Variants in CHSY1 observed in about 807,000 individuals in gnomAD.
The protein encoded by CHSY1 is chondroitin sulfate synthase 1.
In CHSY1, 13 loss-of-function variants were observed where a neutral mutation model predicts 59.8. That is an observed-to-expected ratio of 0.22 (90% CI 0.14 to 0.35). CHSY1 has a LOEUF of 0.35. Among genes scored for constraint, CHSY1 ranks in the 10% least tolerant of loss-of-function variants. CHSY1 has a pLI of 1.00. For synonymous variants in CHSY1, 459 were observed against 401.2 expected, an observed-to-expected ratio of 1.14 and a Z score of -1.72; for missense variants, 947 against 1,030.6, an observed-to-expected ratio of 0.92 and a Z score of 1.11.
chr15:101,232,930 C>A (rs760713216), intron 2 of CHSY1, among the ~76,000 whole-genome samples: 2 of 152,202 alleles, frequency 1.3e-5, no homozygotes, highest in African/African-American at 2.4e-5. Flanking sequence ...CGCAGAGCAG[C>A]AGCAGGCCCA....
At chr15:101,247,528 G>A (rs551419319) in intron 1 of CHSY1, among the ~76,000 whole-genome samples, 2 of 152,244 alleles carry the variant, frequency 1.3e-5, no homozygotes, top group South Asian at 2.1e-4. Flanking sequence ...ACTCAGGGTC[G>A]GGGGCCAGAG....
At chr15:101,197,225 T>C (rs1044029317) in intron 2 of CHSY1, among the ~76,000 whole-genome samples, 1 of 152,188 alleles carries the variant, frequency 6.6e-6, no homozygotes, top group Non-Finnish European at 1.5e-5. Flanking sequence ...GGAGAGGCAA[T>C]GCCTGGCAAT....
intron 2 of CHSY1, among the ~76,000 whole-genome samples, chr15:101,232,639 C>CT (rs1406635164): frequency 6.6e-6 from 1 of 152,154 alleles, no homozygotes; most frequent in East Asian, 1.9e-4. Flanking sequence ...TTAGATTGCA[C>CT]TTAGATTCAC....
At chr15:101,184,383 A>AAT (rs2038324646) in intron 2 of CHSY1, among the ~76,000 whole-genome samples, 1 of 144,902 alleles carries the variant, frequency 6.9e-6, no homozygotes, top group Admixed American at 6.9e-5. Flanking sequence ...TATATATATA[A>AAT]TTTTTTTTTT....
intron 2 of CHSY1, among the ~76,000 whole-genome samples, chr15:101,203,188 G>T (rs866981201): frequency 6.6e-6 from 1 of 152,190 alleles, no homozygotes; most frequent in Non-Finnish European, 1.5e-5. Context: ...TGAAATAGGG[G>T]GGGTGAGGGA....
In CHSY1 at chr15:101,176,142, A is replaced by G. The variant is rs1397355043; in HGVS notation, c.*1246T>C. ...TTGGAGATCGGTTTACTGCAAATAA[A>G]ACAGACTAAACACACTCCCGATACA... On this transcript the variant is annotated 3_prime_UTR_variant, in exon 3 of 3. Transcript: ENST00000254190. The G allele has an allele frequency of 2.5e-6, 1 of 397,832 alleles. No homozygotes were observed. Among genetic ancestry groups the G allele is most frequent in the East Asian group, 3.6e-5 (1 of 28,010 alleles). 24.6% of individuals were successfully genotyped at this position (397,832 alleles called of 1,614,324 possible).
intron 2 of CHSY1, among the ~76,000 whole-genome samples, chr15:101,194,737 C>T (rs1026061808): frequency 6.6e-6 from 1 of 152,138 alleles, no homozygotes; most frequent in Non-Finnish European, 1.5e-5. Flanking sequence ...TCTAATCTTG[C>T]CTCTATTTCT....
chr15:101,217,415 G>A (rs1197359094), intron 2 of CHSY1, among the ~76,000 whole-genome samples: 1 of 152,196 alleles, frequency 6.6e-6, no homozygotes, highest in East Asian at 1.9e-4. Context: ...ATCTGAGGGG[G>A]CCAAGCAAGT....
At chr15:101,248,636 A>C (rs1387561580) in intron 1 of CHSY1, among the ~76,000 whole-genome samples, 1 of 152,246 alleles carries the variant, frequency 6.6e-6, no homozygotes, top group African/African-American at 2.4e-5. Context: ...AAAAAAAATA[A>C]TAAATAAACA....
chr15:101,220,129 A>C (rs1265965335), intron 2 of CHSY1, among the ~76,000 whole-genome samples: 1 of 152,196 alleles, frequency 6.6e-6, no homozygotes, highest in Non-Finnish European at 1.5e-5. Context: ...GTCAACTATT[A>C]ATGTAATAAG....
chr15:101,186,965 T>C (rs1267692920), intron 2 of CHSY1, among the ~76,000 whole-genome samples: 2 of 152,222 alleles, frequency 1.3e-5, no homozygotes, highest in Admixed American at 6.5e-5. Context: ...AGCTCTGACA[T>C]TCTTCTGCCC....
intron 2 of CHSY1, among the ~76,000 whole-genome samples, chr15:101,199,413 G>T (rs930684420): frequency 2.0e-5 from 3 of 152,236 alleles, no homozygotes; most frequent in East Asian, 3.8e-4. Context: ...TGAGGCAGGA[G>T]AATCGCTTGA....
intron 2 of CHSY1, among the ~76,000 whole-genome samples, chr15:101,192,697 T>TCTCACAGATTCTTCCCACA (rs61088779): frequency 6.6e-6 from 1 of 151,866 alleles, no homozygotes; most frequent in African/African-American, 2.4e-5. Flanking sequence ...TGAAGGCAGG[T>TCTCACAGATTCTTCCCACA]CTCACAGCAC....
intron 1 of CHSY1, among the ~76,000 whole-genome samples, chr15:101,240,665 A>T (rs1368110897): frequency 6.6e-6 from 1 of 152,216 alleles, no homozygotes; most frequent in Non-Finnish European, 1.5e-5. Flanking sequence ...TTAGCTAAGG[A>T]ATGCCTTTGC....
chr15:101,238,569 C>T (rs1298295567), intron 1 of CHSY1, among the ~76,000 whole-genome samples: 2 of 152,142 alleles, frequency 1.3e-5, no homozygotes, highest in African/African-American at 4.8e-5. Flanking sequence ...AAAAATACTG[C>T]CAATCATAAT....
chr15:101,235,610 G>A, intron 1 of CHSY1, 33 bp from the exon 2 acceptor site: 1 of 1,597,468 alleles, frequency 6.3e-7, no homozygotes, highest in Non-Finnish European at 8.5e-7. Flanking sequence ...TTAGAGAACA[G>A]TTTATTCCAA....
intron 1 of CHSY1, among the ~76,000 whole-genome samples, chr15:101,245,690 CATCCCTGGAA>C (rs2039043424): frequency 1.3e-5 from 2 of 152,210 alleles, no homozygotes; most frequent in Non-Finnish European, 2.9e-5. Flanking sequence ...CAGCCACAGC[CATCCCTGGAA>C]ATCCCTGGAA....
intron 2 of CHSY1, among the ~76,000 whole-genome samples, chr15:101,189,886 A>G (rs1452356268): frequency 6.6e-6 from 1 of 152,242 alleles, no homozygotes; most frequent in African/African-American, 2.4e-5. Flanking sequence ...GTGGGCGGGG[A>G]GCAAGGGTTC....
At chr15:101,236,019 G>A (rs902020519) in intron 1 of CHSY1, among the ~76,000 whole-genome samples, 9 of 152,148 alleles carry the variant, frequency 5.9e-5, no homozygotes, top group East Asian at 1.9e-4. Flanking sequence ...GAACAAAAAC[G>A]TGATCCCCAA....
Sources: allele counts gnomAD v4.1 joint callset (sites outside exome capture counted in the v4.1 genomes callset), GRCh38; gene constraint gnomAD v4.1.1; transcripts MANE v1.5; gene names NCBI Gene and HGNC (gene_info 2026-07-23, HGNC 2026-07-21).